TBX3: variants seen among roughly 807,000 people sequenced by gnomAD.
TBX3 encodes T-box transcription factor 3.
TBX3 carries 11 observed loss-of-function variants against 47.8 expected under a neutral mutation model. That is an observed-to-expected ratio of 0.23 (90% confidence interval 0.14 to 0.38). TBX3 has a LOEUF of 0.38. TBX3 is among the 10% of genes least tolerant of loss of function. The pLI, the probability that TBX3 is intolerant of heterozygous loss-of-function variation, is 1.00. For missense variants in TBX3, 927 were observed against 1,022.8 expected (o/e 0.91, Z 1.28); for synonymous variants, 500 against 449.3 (o/e 1.11, Z -1.43).
intron 1 of TBX3, 96 bp downstream of exon 1, chr12:114,682,716 C>T: frequency 6.3e-7 from 1 of 1,587,056 alleles, no homozygotes; most frequent in Non-Finnish European, 8.6e-7. Flanking sequence ...TTCGTCCAAG[C>T]CGTAATAACC....
At chr12:114,674,133 A>G in intron 6 of TBX3, 32 bp downstream of exon 6, 1 of 1,569,088 alleles carries the variant, frequency 6.4e-7, no homozygotes, top group African/African-American at 1.3e-5. Context: ...AAAGGTGGAA[A>G]GACTGGTGGA....
chr12:114,674,654 C>A lies in TBX3; in HGVS notation c.1221G>T (p.Arg407=), dbSNP rs756219182. 1.0e-5 allele frequency: 16 copies of A among 1,607,182 alleles called. No homozygotes were observed. Among genetic ancestry groups the A allele is most frequent in the Non-Finnish European group, 1.4e-5 (16 of 1,178,964 alleles). ...FAAERPRDSG[R]LDKASPDSRH... ...GTGAGTCGGGCGACGCTTTGTCCAG[C>A]CGCCCGCTGTCCCGGGGCCGCTCAG... The change falls in exon 6 of 7, where the codon CGG becomes CGT. Residue 407 remains arginine (R), a synonymous_variant. Coordinates refer to ENST00000349155, the MANE Select transcript of TBX3 (RefSeq NM_005996.4).
chr12:114,674,686 A>C lies in TBX3; in HGVS notation c.1189T>G (p.Phe397Val). The change falls in exon 6 of 7, where the codon TTC (phenylalanine) becomes GTC (valine). Residue 397 changes from phenylalanine to valine, a missense_variant. Around this residue, in one of 5 missense-constraint regions of TBX3, gnomAD observed 623 missense variants for 569.0 expected, o/e 1.09. Coordinates refer to ENST00000349155, the MANE Select transcript of TBX3 (RefSeq NM_005996.4). Reference protein sequence around the residue: ...KGSPAVKAHLFAAERPRDSGR... With the variant: ...KGSPAVKAHLVAAERPRDSGR... ...CTGTCCCGGGGCCGCTCAGCAGCGA[A>C]AAGGTGAGCCTTGACCGCGGGGCTG... is the stretch of plus-strand genomic sequence containing the variant. 1 of 1,607,510 alleles carries C rather than the reference A, an allele frequency of 6.2e-7. No individual in the cohort carries two copies. Among genetic ancestry groups the C allele is most frequent in the Non-Finnish European group, 8.5e-7 (1 of 1,179,200 alleles).
Position 114,674,179 on chromosome 12 carries a change from C to G in TBX3, c.1696G>C (p.Val566Leu). The G allele has an allele frequency of 6.3e-7, 1 of 1,583,554 alleles. No individual in the cohort carries two copies. The highest frequency in any genetic ancestry group is 8.6e-7 in the Non-Finnish European group (1 of 1,166,868). ...ATLPFHLQQH[V>L]LASQGLAMSP... ...AGGATCCATACCTGAGAGGCCAGGA[C>G]GTGCTGCTGGAGGTGGAAGGGCAGG... The change falls in exon 6 of 7, where the codon GTC becomes CTC. Residue 566 changes from valine to leucine, a missense_variant. Transcript: ENST00000349155.
At position 114,672,248 on chromosome 12, in the gene TBX3, C is replaced by T. The variant is rs1868479742; in HGVS notation, c.1765G>A (p.Ala589Thr). ...GCAGAGGAGGCGGCCGCCGCTGCGGCCATGTACGTGTAGGGGTAAGGGAAC... is the reference window on the plus strand; with the variant it reads ...GCAGAGGAGGCGGCCGCCGCTGCGGTCATGTACGTGTAGGGGTAAGGGAAC... ...SLFPYPYTYM[A>T]AAAAASSAAA... Residue 589 changes from alanine to threonine, a missense_variant, in exon 7 of 7, where the codon GCC becomes ACC. Physicochemically the swap from Ala to Thr is moderately conservative, Grantham distance 58. Around this residue, in one of 5 missense-constraint regions of TBX3, gnomAD observed 623 missense variants for 569.0 expected, o/e 1.09. Coordinates refer to ENST00000349155, the MANE Select transcript of TBX3 (RefSeq NM_005996.4). 1.9e-6 allele frequency: 3 copies of T among 1,575,502 alleles called. No homozygotes were observed. Among genetic ancestry groups the T allele is most frequent in the African/African-American group, 2.7e-5 (2 of 74,300 alleles).
Position 114,681,965 on chromosome 12 carries a change from C to T in TBX3, c.390-819G>A, listed in dbSNP as rs74676457. ...TCATTTAGCTTGGAAGGAGACAGAA[C>T]GCTTAAGATATCATGAAGGGGATTT... On this transcript the variant is annotated intron_variant, in intron 1 of 6. Coordinates refer to ENST00000349155, the MANE Select transcript of TBX3 (RefSeq NM_005996.4). 6.4e-3 allele frequency among the ~76,000 whole-genome samples: 969 copies of T among 152,198 alleles called. 5 individuals carry two copies. The highest frequency in any genetic ancestry group is 0.022 in the African/African-American group (923 of 41,520).
intron 2 of TBX3, 99 bp downstream of exon 2, chr12:114,680,780 C>G: frequency 6.5e-7 from 1 of 1,546,768 alleles, no homozygotes; most frequent in East Asian, 2.2e-5. Context: ...TAGGGAGAAG[C>G]AAAGGAGAAG....
In TBX3 at chr12:114,674,556, T is replaced by C; in HGVS notation, c.1319A>G (p.Glu440Gly). 1 of 1,559,650 alleles carries C rather than the reference T, an allele frequency of 6.4e-7. No homozygotes were observed. ...TTCCACCTTGGCCGGCGCTGTGCCCTCGCGAACCGGGCTCCTGCGCTCCTC... is the reference window on the plus strand; with the variant it reads ...TTCCACCTTGGCCGGCGCTGTGCCCCCGCGAACCGGGCTCCTGCGCTCCTC... ...GAEERRSPVR[E>G]GTAPAKVEEA... The change falls in exon 6 of 7, where the codon GAG (glutamate) becomes GGG (glycine). Residue 440 changes from glutamate (E) to glycine (G), a missense_variant. Around this residue, in one of 5 missense-constraint regions of TBX3, gnomAD observed 623 missense variants for 569.0 expected, o/e 1.09. Transcript: ENST00000349155.
Position 114,671,584 on chromosome 12 carries a change from C to T in TBX3, c.*257G>A, listed in dbSNP as rs1868423288. On this transcript the variant is annotated 3_prime_UTR_variant, in exon 7 of 7. Transcript: ENST00000349155. ...GTTGCTCTGGACATAAATGTTGGAA[C>T]TCCTACCCCCAGTAGCTCAATGCAA... 2.1e-5 allele frequency: 12 copies of T among 574,950 alleles called. No individual in the cohort carries two copies. The South Asian group carries it at 2.4e-4, about 12-fold the overall frequency. 35.6% of individuals were successfully genotyped at this position (574,950 alleles called of 1,614,324 possible).
rs1479390616 is a variant in TBX3, at chr12:114,674,474, G to A, written c.1401C>T (p.Asp467=). Residue 467 remains aspartate, a synonymous_variant, in exon 6 of 7, where the codon GAC becomes GAT. Transcript: ENST00000349155. ...CCTGGGCCAGGTGCGCGGCGGCCGC[G>A]TCCGTCTGCACCGTGAGCGGCGCGA... ...EAFAPLTVQT[D]AAAAHLAQGP... is the part of the protein sequence containing the mutation. The A allele has an allele frequency of 6.5e-7, 1 of 1,539,880 alleles. No individual in the cohort carries two copies. Among genetic ancestry groups the A allele is most frequent in the Non-Finnish European group, 8.7e-7 (1 of 1,143,114 alleles).
At position 114,683,346 on chromosome 12, in the gene TBX3, G is replaced by A. The variant is rs1425051041; in HGVS notation, c.-146C>T. 8.8e-7 allele frequency: 1 copy of A among 1,138,996 alleles called. No individual in the cohort carries two copies. The highest frequency in any genetic ancestry group is 1.2e-6 in the Non-Finnish European group (1 of 816,278). The allele number at this position is 1,138,996 out of a possible 1,614,324, so 70.6% of individuals were successfully genotyped here. A position where few individuals can be genotyped will look rare whatever the true frequency, so the allele number is the denominator to read the frequency against. ...AAAAAGAAAGAAAAAAGAAAAGGAG[G>A]CAGAAATCACAACTAATGCACTTCA... On this transcript the variant is annotated 5_prime_UTR_variant, in exon 1 of 7. Transcript: ENST00000349155. This position sits in a 1 kb window ranked among gnomAD's most constrained non-coding sequence, Gnocchi z 7.7.
intron 1 of TBX3, among the ~76,000 whole-genome samples, chr12:114,681,875 A>G (rs932292899): frequency 2.6e-5 from 4 of 152,236 alleles, no homozygotes; most frequent in Non-Finnish European, 5.9e-5. Context: ...GCAAGGAAGC[A>G]CTTTGCTGGA....
chr12:114,672,920 C>T (rs2121379524), intron 6 of TBX3, among the ~76,000 whole-genome samples: 1 of 152,260 alleles, frequency 6.6e-6, no homozygotes, highest in Middle Eastern at 3.4e-3. Flanking sequence ...GGAAAAAGGG[C>T]ATTTGTTATA....
rs1468718197 is a variant in TBX3, at chr12:114,683,009, G to A, written c.192C>T (p.Ile64=). The A allele has an allele frequency of 6.2e-7, 1 of 1,613,470 alleles. No homozygotes were observed. Among genetic ancestry groups the A allele is most frequent in the Non-Finnish European group, 8.5e-7 (1 of 1,179,706 alleles). Residue 64 remains isoleucine (I), a synonymous_variant, in exon 1 of 7, where the codon ATC becomes ATT. Transcript: ENST00000349155. This position sits in a 1 kb window ranked among gnomAD's most constrained non-coding sequence, Gnocchi z 7.7. ...LSLPGALAKP[I]MDQLVGAAET... ...CGGCCGCCCCCACCAATTGATCCAT[G>A]ATCGGCTTGGCCAGGGCGCCCGGCA... is the stretch of plus-strand genomic sequence containing the variant.
Position 114,680,978 on chromosome 12 carries a change from A to G in TBX3, c.558T>C (p.Ile186=), listed in dbSNP as rs1868902953. Residue 186 remains isoleucine, a synonymous_variant, in exon 2 of 7, where the codon ATT becomes ATC. Coordinates refer to ENST00000349155, the MANE Select transcript of TBX3 (RefSeq NM_005996.4). ...ADPEMPKRMY[I]HPDSPATGEQ... is the part of the protein sequence containing the mutation. ...CCCCAGTAGCGGGGCTGTCCGGGTG[A>G]ATGTACATCCTCTTTGGCATTTCGG... 6.2e-7 allele frequency: 1 copy of G among 1,614,040 alleles called. No homozygotes were observed. Among genetic ancestry groups the G allele is most frequent in the African/African-American group, 1.3e-5 (1 of 74,912 alleles).
At chr12:114,676,590 A>G (rs1049322716) in intron 4 of TBX3, 120 bp from the exon 5 acceptor site, 11 of 1,324,720 alleles carry the variant, frequency 8.3e-6, no homozygotes, top group East Asian at 2.3e-5. Flanking sequence ...CCCAGGGACA[A>G]CGCTAATTCA....
Position 114,674,757 on chromosome 12 carries a change from G to A in TBX3, c.1118C>T (p.Ala373Val). The A allele has an allele frequency of 6.3e-7, 1 of 1,592,072 alleles. No homozygotes were observed. Among genetic ancestry groups the A allele is most frequent in the Non-Finnish European group, 8.5e-7 (1 of 1,173,974 alleles). The change falls in exon 6 of 7, where the codon GCC becomes GTC. Residue 373 changes from alanine to valine, a missense_variant. Ala to Val is a moderately conservative substitution (Grantham distance 64). Coordinates refer to ENST00000349155, the MANE Select transcript of TBX3 (RefSeq NM_005996.4). ...CTCCGACGTGGTGGTGGAGATCTTG[G>A]CCGCGTCGCAGGCCTCGGGGCCATG... ...EEHGPEACDA[A>V]KISTTTSEEP...
intron 6 of TBX3, among the ~76,000 whole-genome samples, 165 bp downstream of exon 6, chr12:114,674,000 G>T (rs113197493): frequency 6.6e-6 from 1 of 152,206 alleles, no homozygotes; most frequent in Admixed American, 6.5e-5. Flanking sequence ...TGGGGAGAAT[G>T]AAGTCATAAT....
chr12:114,679,944 G>A (rs554364556), intron 2 of TBX3: 18 of 1,613,946 alleles, frequency 1.1e-5, no homozygotes, highest in East Asian at 4.5e-5. Flanking sequence ...CCCCTGCCAC[G>A]TAGCGTGATC....
Sources: allele counts gnomAD v4.1 joint callset (sites outside exome capture counted in the v4.1 genomes callset), GRCh38; gene constraint gnomAD v4.1.1; regional missense constraint gnomAD v4.1.1; non-coding constraint Gnocchi (gnomAD v3.1); transcripts MANE v1.5; gene names NCBI Gene and HGNC (gene_info 2026-07-23, HGNC 2026-07-21).